RAP1GDS1: variants seen among roughly 807,000 people sequenced by gnomAD.
RAP1GDS1 encodes the protein RAP1, GTP-GDP dissociation stimulator 1.
RAP1GDS1 carries 35 observed loss-of-function variants against 71.1 expected under a neutral mutation model. The observed-to-expected ratio is 0.49, with a 90% confidence interval of 0.38 to 0.65. The LOEUF (loss-of-function observed/expected upper bound fraction) is 0.65, where lower values mean the gene tolerates loss of function less well. Ranked by LOEUF, RAP1GDS1 falls within the 30% of genes least tolerant of loss-of-function variation. The pLI is 0.00. For synonymous variants in RAP1GDS1, 229 were observed against 243.1 expected, an observed-to-expected ratio of 0.94 and a Z score of 0.54; for missense variants, 663 against 706.1, an observed-to-expected ratio of 0.94 and a Z score of 0.69.
At chr4:98,389,699 G>C (rs1274861132) in intron 5 of RAP1GDS1, among the ~76,000 whole-genome samples, 1 of 152,126 alleles carries the variant, frequency 6.6e-6, no homozygotes, top group African/African-American at 2.4e-5. Flanking sequence ...GCCAAAGATT[G>C]TATTAAGCGC....
intron 1 of RAP1GDS1, among the ~76,000 whole-genome samples, chr4:98,265,737 C>G (rs1722636220): frequency 6.6e-6 from 1 of 152,104 alleles, no homozygotes; most frequent in Non-Finnish European, 1.5e-5. Flanking sequence ...CTGAAAAACA[C>G]AGAAGTCAGA....
intron 1 of RAP1GDS1, among the ~76,000 whole-genome samples, chr4:98,292,704 A>T (rs928192876): frequency 2.6e-5 from 4 of 152,156 alleles, no homozygotes; most frequent in Non-Finnish European, 4.4e-5. Flanking sequence ...AAATAATTTT[A>T]AAAAGTCTCA....
rs563750207 is a variant in RAP1GDS1 at position 98,263,728 on chromosome 4, A to G, written c.4+2159A>G. On this transcript the variant is annotated intron_variant, in intron 1 of 14. Transcript: ENST00000408927. ...TTGGCAAATTGTTGAACTTAAAGCC[A>G]CCTATTATTTTCAACTTTTGAACCT... Among the ~76,000 whole-genome samples the G allele has an allele frequency of 1.5e-3, 225 of 152,322 alleles. 1 individual carries two copies. Among genetic ancestry groups the G allele is most frequent in the Non-Finnish European group, 2.9e-3 (194 of 68,032 alleles).
At chr4:98,392,310 G>A (rs973559084) in intron 6 of RAP1GDS1, 17 of 370,698 alleles carry the variant, frequency 4.6e-5, no homozygotes, top group African/African-American at 3.4e-4. Context: ...ACATATTAAT[G>A]TTTAAAGCTC....
chr4:98,385,094 GT>G (rs1168286672), intron 5 of RAP1GDS1, among the ~76,000 whole-genome samples: 1 of 151,650 alleles, frequency 6.6e-6, no homozygotes, highest in African/African-American at 2.4e-5. Context: ...AAAATTTGAA[GT>G]GGAAAAATTG....
chr4:98,441,616 G>A (rs1001487923), intron 14 of RAP1GDS1: 5 of 984,266 alleles, frequency 5.1e-6, no homozygotes, highest in Non-Finnish European at 6.0e-6. Flanking sequence ...TAAAAATTGG[G>A]CAAGTAGCTG....
At chr4:98,368,526 C>T (rs2110460926) in intron 4 of RAP1GDS1, among the ~76,000 whole-genome samples, 1 of 152,184 alleles carries the variant, frequency 6.6e-6, no homozygotes, top group South Asian at 2.1e-4. Flanking sequence ...TTAAAGGTGA[C>T]TTTATGTTAA....
intron 1 of RAP1GDS1, among the ~76,000 whole-genome samples, chr4:98,280,827 T>C (rs1000900623): frequency 1.3e-5 from 2 of 152,244 alleles, no homozygotes; most frequent in Non-Finnish European, 2.9e-5. Context: ...TTTCTACATA[T>C]GGCTAGCCAG....
At chr4:98,374,670 C>T (rs1224018950) in intron 4 of RAP1GDS1, among the ~76,000 whole-genome samples, 2 of 152,156 alleles carry the variant, frequency 1.3e-5, no homozygotes, top group African/African-American at 4.8e-5. Flanking sequence ...AGTCAGGAGT[C>T]GAACTAGGTT....
At position 98,417,120 on chromosome 4, in the gene RAP1GDS1, A is replaced by G. The variant is rs148690726; in HGVS notation, c.907+232A>G. 0.012 allele frequency among the ~76,000 whole-genome samples: 1,778 copies of G among 152,294 alleles called. 23 individuals carry two copies. Among genetic ancestry groups the G allele is most frequent in the Non-Finnish European group, 0.015 (991 of 68,004 alleles). On this transcript the variant is annotated intron_variant, in intron 8 of 14. Coordinates refer to ENST00000408927, the MANE Select transcript of RAP1GDS1 (RefSeq NM_001100427.2). ...TTTGAAGAGCTGTCACATAGAAGAG[A>G]TAGCTTTGGCACCAAGGGACTAAAG...
chr4:98,311,330 A>C (rs1432064258), intron 2 of RAP1GDS1, among the ~76,000 whole-genome samples: 1 of 152,220 alleles, frequency 6.6e-6, no homozygotes, highest in Non-Finnish European at 1.5e-5. Context: ...ATTTTGTCAA[A>C]GACTCTTAAG....
chr4:98,404,129 T>A (rs1358672371), intron 6 of RAP1GDS1, among the ~76,000 whole-genome samples: 1 of 152,200 alleles, frequency 6.6e-6, no homozygotes, highest in Non-Finnish European at 1.5e-5. Flanking sequence ...TCCACTTTAA[T>A]GATACTAAAG....
intron 2 of RAP1GDS1, among the ~76,000 whole-genome samples, chr4:98,337,221 C>G (rs1204140142): frequency 6.6e-6 from 1 of 152,124 alleles, no homozygotes; most frequent in East Asian, 1.9e-4. Flanking sequence ...CTGCTTCATT[C>G]TTTGTATATG....
At chr4:98,335,304 T>A (rs1322509818) in intron 2 of RAP1GDS1, among the ~76,000 whole-genome samples, 2 of 152,186 alleles carry the variant, frequency 1.3e-5, no homozygotes, top group Non-Finnish European at 2.9e-5. Context: ...GTGAGGCCAG[T>A]CTCAGGTTGG....
At chr4:98,433,798 GA>G in intron 12 of RAP1GDS1, 137 bp from the exon 13 acceptor site, 3 of 756,870 alleles carry the variant, frequency 4.0e-6, no homozygotes, top group Non-Finnish European at 5.8e-6. Context: ...CTTCTGTGGA[GA>G]AAAAAACTAT....
rs528713564 is a variant in RAP1GDS1 at position 98,310,810 on chromosome 4, A to G, written c.112+17295A>G. ...ACTATAATCTCAAAGACTTATTGCT[A>G]AAAAAAAAAGATTTAATTTTTATAT... is the stretch of plus-strand genomic sequence containing the variant. On this transcript the variant is annotated intron_variant, in intron 2 of 14. Coordinates refer to ENST00000408927, the MANE Select transcript of RAP1GDS1 (RefSeq NM_001100427.2). Among the ~76,000 whole-genome samples the G allele has an allele frequency of 1.3e-4, 14 of 111,678 alleles. No homozygotes were observed. In the East Asian group the frequency reaches 2.1e-3, roughly 17 times the overall value. The allele number at this position is 111,678 out of a possible 152,430, so 73.3% of individuals were successfully genotyped here. A position where few individuals can be genotyped will look rare whatever the true frequency, so the allele number is the denominator to read the frequency against.
chr4:98,390,712 G>C (rs547640160), intron 5 of RAP1GDS1, among the ~76,000 whole-genome samples: 8 of 152,148 alleles, frequency 5.3e-5, no homozygotes. Context: ...TCACCCACCT[G>C]CTTCCTTATC....
At chr4:98,302,250 A>G (rs1434662988) in intron 2 of RAP1GDS1, among the ~76,000 whole-genome samples, 3 of 152,230 alleles carry the variant, frequency 2.0e-5, no homozygotes, top group Non-Finnish European at 2.9e-5. Flanking sequence ...GAAACCTTCA[A>G]GTTATAAATT....
At chr4:98,367,277 G>T (rs1415443593) in intron 4 of RAP1GDS1, among the ~76,000 whole-genome samples, 1 of 152,162 alleles carries the variant, frequency 6.6e-6, no homozygotes, top group Non-Finnish European at 1.5e-5. Flanking sequence ...TCCTGCGAGT[G>T]CACAGAAGTC....
Sources: gnomAD v4.1 joint callset for allele counts (sites outside exome capture counted in the v4.1 genomes callset) on GRCh38, gnomAD v4.1.1 for gene constraint, MANE v1.5 for transcripts, NCBI Gene and HGNC (gene_info 2026-07-23, HGNC 2026-07-21) for gene names.